MACROD1: variants seen among roughly 807,000 people sequenced by gnomAD.
MACROD1 encodes the protein mono-ADP ribosylhydrolase 1.
Under a neutral mutation model 41.4 loss-of-function variants are expected in MACROD1, and 31 were observed. The ratio of observed to expected loss-of-function variants is 0.75; its 90% confidence interval spans 0.56 to 1.01. The LOEUF (loss-of-function observed/expected upper bound fraction) is 1.01. MACROD1 is among the 50% of genes least tolerant of loss of function. MACROD1 has a pLI of 0.00. For synonymous variants in MACROD1, 252 were observed against 203.4 expected, an observed-to-expected ratio of 1.24 and a Z score of -2.03; for missense variants, 473 against 460.0, an observed-to-expected ratio of 1.03 and a Z score of -0.26.
chr11:64,046,502 T>A (rs1213891084), intron 3 of MACROD1, among the ~76,000 whole-genome samples: 1 of 152,198 alleles, frequency 6.6e-6, no homozygotes, highest in Non-Finnish European at 1.5e-5. Context: ...TCTGGGACCC[T>A]GCGCTGTGCT....
intron 3 of MACROD1, among the ~76,000 whole-genome samples, chr11:64,026,321 G>A (rs996163584): frequency 3.3e-5 from 5 of 152,140 alleles, no homozygotes; most frequent in Admixed American, 6.5e-5. Flanking sequence ...CACTGCGCTC[G>A]GCCTCGTGTT....
At chr11:64,061,345 G>C (rs1404208472) in intron 3 of MACROD1, among the ~76,000 whole-genome samples, 1 of 152,140 alleles carries the variant, frequency 6.6e-6, no homozygotes, top group African/African-American at 2.4e-5. Flanking sequence ...CCCCCAGCCC[G>C]CAGCCTGGAG....
At chr11:64,039,185 T>C (rs1943438186) in intron 3 of MACROD1, among the ~76,000 whole-genome samples, 2 of 152,016 alleles carry the variant, frequency 1.3e-5, no homozygotes, top group Admixed American at 1.3e-4. Context: ...CTGAGGCCCC[T>C]TATAGGATGG....
intron 3 of MACROD1, among the ~76,000 whole-genome samples, chr11:64,127,192 C>T (rs1292067455): frequency 6.6e-6 from 1 of 152,284 alleles, no homozygotes; most frequent in African/African-American, 2.4e-5. Flanking sequence ...ATGTGATTAA[C>T]TACTTGGTCC....
chr11:64,130,957 G>A (rs529833487), intron 3 of MACROD1, among the ~76,000 whole-genome samples: 65 of 152,370 alleles, frequency 4.3e-4, no homozygotes, highest in South Asian at 1.9e-3. Flanking sequence ...AGAACTGGCC[G>A]GCCCGGCGAG....
At chr11:64,063,306 A>G (rs959100355) in intron 3 of MACROD1, among the ~76,000 whole-genome samples, 3 of 152,136 alleles carry the variant, frequency 2.0e-5, no homozygotes, top group Non-Finnish European at 2.9e-5. Context: ...CAAATGAGTT[A>G]ACAGTTGTAA....
chr11:64,039,715 CA>C (rs1943449331), intron 3 of MACROD1, among the ~76,000 whole-genome samples: 2 of 152,206 alleles, frequency 1.3e-5, no homozygotes, highest in Non-Finnish European at 2.9e-5. Flanking sequence ...GCCTGTTTAC[CA>C]TCGCTCGAGG....
intron 1 of MACROD1, among the ~76,000 whole-genome samples, chr11:64,155,714 A>G (rs1945657490): frequency 6.6e-6 from 1 of 152,240 alleles, no homozygotes; most frequent in Non-Finnish European, 1.5e-5. Context: ...TTGGGTCCCC[A>G]GCACTTGGGG....
At chr11:64,002,388 A>C (rs936081471) in intron 4 of MACROD1, among the ~76,000 whole-genome samples, 5 of 152,168 alleles carry the variant, frequency 3.3e-5, no homozygotes, top group Non-Finnish European at 7.4e-5. Flanking sequence ...CTGGGGGCGC[A>C]AGGGAGGTGG....
rs556466101 is a variant in MACROD1 at position 64,090,216 on chromosome 11, T to C, written c.517+61023A>G. Among the ~76,000 whole-genome samples the C allele has an allele frequency of 1.3e-5, 2 of 152,090 alleles. 1 individual carries two copies. The highest frequency in any genetic ancestry group is 4.8e-5 in the African/African-American group (2 of 41,512). Reference sequence around the variant, plus strand: ...AGCCTGAGTCCACAGGGTGACAGGGTGTGGGAAAGGCCAACGGGCGTGTGG... The same window carrying C: ...AGCCTGAGTCCACAGGGTGACAGGGCGTGGGAAAGGCCAACGGGCGTGTGG... On this transcript the variant is annotated intron_variant, in intron 3 of 10. Transcript: ENST00000255681. The surrounding 1 kb of genome is among the most constrained non-coding windows in gnomAD (Gnocchi z 4.7).
chr11:64,063,706 C>T (rs191032279), intron 3 of MACROD1, among the ~76,000 whole-genome samples: 62 of 152,284 alleles, frequency 4.1e-4, no homozygotes, highest in African/African-American at 1.4e-3. Context: ...CACACCTCAG[C>T]GGGTGCTGAA....
At chr11:64,006,627 C>T (rs569367395) in intron 4 of MACROD1, among the ~76,000 whole-genome samples, 1 of 152,346 alleles carries the variant, frequency 6.6e-6, no homozygotes, top group East Asian at 1.9e-4. Flanking sequence ...GTGGCAGCTG[C>T]ATGCCGGGGC....
chr11:64,128,504 G>A (rs775888058), intron 3 of MACROD1, among the ~76,000 whole-genome samples: 3 of 152,074 alleles, frequency 2.0e-5, no homozygotes, highest in African/African-American at 4.8e-5. Flanking sequence ...ACGCTTCCAC[G>A]GATAAGGAGG....
At chr11:64,116,720 G>T (rs199846270) in intron 3 of MACROD1, 1 of 1,613,712 alleles carries the variant, frequency 6.2e-7, no homozygotes, top group Non-Finnish European at 8.5e-7. Context: ...CCCGCATCCC[G>T]CTGCTGGAGA....
intron 3 of MACROD1, among the ~76,000 whole-genome samples, chr11:64,137,739 C>T (rs148637724): frequency 2.5e-4 from 38 of 152,234 alleles, no homozygotes; most frequent in Non-Finnish European, 3.2e-4. Context: ...GAGAGCAGGC[C>T]GTGACCAGGA....
chr11:64,143,831 A>C (rs1945452645), intron 3 of MACROD1, among the ~76,000 whole-genome samples: 1 of 144,564 alleles, frequency 6.9e-6, no homozygotes, highest in Non-Finnish European at 1.5e-5. Flanking sequence ...AGCTCGGCAA[A>C]CCTCCCATCC....
intron 3 of MACROD1, among the ~76,000 whole-genome samples, chr11:64,119,645 A>G (rs1179279827): frequency 6.6e-6 from 1 of 151,560 alleles, no homozygotes; most frequent in African/African-American, 2.4e-5. Flanking sequence ...AATGTAGAAA[A>G]CTCAGCTGGG....
chr11:64,002,500 G>C (rs1942842683), intron 4 of MACROD1, among the ~76,000 whole-genome samples: 1 of 152,170 alleles, frequency 6.6e-6, no homozygotes, highest in Non-Finnish European at 1.5e-5. Context: ...GGCTCTGCAG[G>C]GGCCCCAGGG....
At chr11:64,106,212 C>G (rs1383155602) in intron 3 of MACROD1, among the ~76,000 whole-genome samples, 1 of 152,164 alleles carries the variant, frequency 6.6e-6, no homozygotes, top group East Asian at 1.9e-4. Flanking sequence ...TTTGTGGCCA[C>G]CCCTCTGCCA....
Sources: allele counts gnomAD v4.1 joint callset (sites outside exome capture counted in the v4.1 genomes callset), GRCh38; gene constraint gnomAD v4.1.1; non-coding constraint Gnocchi (gnomAD v3.1); transcripts MANE v1.5; gene names NCBI Gene and HGNC (gene_info 2026-07-23, HGNC 2026-07-21).